MYH10: variants seen among roughly 807,000 people sequenced by gnomAD.
MYH10 encodes myosin-10.
MYH10 carries 55 observed loss-of-function variants against 257.8 expected under a neutral mutation model. That is an observed-to-expected ratio of 0.21 (90% confidence interval 0.17 to 0.27). MYH10 has a LOEUF of 0.27. Ranked by LOEUF, MYH10 falls within the 10% of genes least tolerant of loss-of-function variation. The pLI, the probability that MYH10 is intolerant of heterozygous loss-of-function variation, is 1.00. For missense variants in MYH10, 1,631 were observed against 2,500.6 expected (o/e 0.65, Z 7.42); for synonymous variants, 854 against 921.7 (o/e 0.93, Z 1.33).
chr17:8,508,392 C>T (rs1404120154), intron 26 of MYH10, among the ~76,000 whole-genome samples, 162 bp downstream of exon 26: 2 of 152,262 alleles, frequency 1.3e-5, no homozygotes, highest in Middle Eastern at 3.4e-3. Flanking sequence ...CCTGAGACAC[C>T]GTGCCCAGCC....
intron 28 of MYH10, among the ~76,000 whole-genome samples, chr17:8,502,533 C>A (rs1381233162): frequency 6.7e-6 from 1 of 149,934 alleles, no homozygotes; most frequent in Admixed American, 6.7e-5. Context: ...ATCCAGTGGT[C>A]AAAGGAAACC....
At chr17:8,544,355 T>G (rs1241071724) in intron 13 of MYH10, among the ~76,000 whole-genome samples, 1 of 152,212 alleles carries the variant, frequency 6.6e-6, no homozygotes, top group Admixed American at 6.5e-5. Flanking sequence ...TCTTTTAAAA[T>G]TTATTTTTAG....
intron 13 of MYH10, among the ~76,000 whole-genome samples, chr17:8,544,100 C>T (rs879867395): frequency 3.9e-5 from 6 of 152,026 alleles, no homozygotes; most frequent in South Asian, 2.1e-4. Flanking sequence ...ATAATGGATG[C>T]ATAGTATTCC....
At chr17:8,533,845 C>G (rs983035056) in intron 16 of MYH10, among the ~76,000 whole-genome samples, 2 of 152,154 alleles carry the variant, frequency 1.3e-5, no homozygotes, top group African/African-American at 4.8e-5. Flanking sequence ...AGAGGAGAAG[C>G]TGAACATGGG....
intron 11 of MYH10, among the ~76,000 whole-genome samples, chr17:8,547,222 C>T (rs2082473873): frequency 6.6e-6 from 1 of 152,154 alleles, no homozygotes; most frequent in Admixed American, 6.5e-5. Context: ...CTTACCTTTA[C>T]AAGAGTGACC....
intron 16 of MYH10, among the ~76,000 whole-genome samples, chr17:8,532,845 G>A (rs553862853): frequency 6.6e-6 from 1 of 152,308 alleles, no homozygotes; most frequent in South Asian, 2.1e-4. Context: ...ACTTAGGTAT[G>A]TAGAATTATA....
chr17:8,494,267 G>A (rs1007038672), intron 31 of MYH10, among the ~76,000 whole-genome samples: 1 of 152,182 alleles, frequency 6.6e-6, no homozygotes, highest in African/African-American at 2.4e-5. Context: ...TTCGAACTAG[G>A]ATCACCTCTC....
At position 8,504,876 on chromosome 17, in the gene MYH10, A is replaced by G. The variant is rs1221799340; in HGVS notation, c.3417T>C (p.Asn1139=). 2 of 1,614,146 alleles carry G rather than the reference A, an allele frequency of 1.2e-6. No individual in the cohort carries two copies. Among genetic ancestry groups the G allele is most frequent in the Admixed American group, 1.7e-5 (1 of 60,018 alleles). Residue 1139 remains asparagine, a synonymous_variant, in exon 28 of 43, where the codon AAT becomes AAC. Transcript: ENST00000360416. The surrounding 1 kb of genome is among the most constrained non-coding windows in gnomAD (Gnocchi z 5.6). ...GTAGCTCTCGCACAACTTTAAGGGC[A>G]TTGTTCTTATGGAGTGTTTCATCAT... is the stretch of plus-strand genomic sequence containing the variant. ...RGDDETLHKN[N]ALKVVRELQA...
intron 17 of MYH10, among the ~76,000 whole-genome samples, chr17:8,522,377 T>C (rs2081684351): frequency 6.6e-6 from 1 of 152,240 alleles, no homozygotes; most frequent in African/African-American, 2.4e-5. Context: ...GCTCAAGTTA[T>C]GCAGGTCTTC....
At chr17:8,557,365 G>T (rs959595925) in intron 7 of MYH10, among the ~76,000 whole-genome samples, 1 of 152,064 alleles carries the variant, frequency 6.6e-6, no homozygotes, top group African/African-American at 2.4e-5. Context: ...TGGGGAGTGT[G>T]GGGGAAGAGC....
intron 2 of MYH10, among the ~76,000 whole-genome samples, chr17:8,605,589 C>A (rs1208997283): frequency 5.9e-5 from 9 of 152,118 alleles, no homozygotes; most frequent in South Asian, 4.2e-4. Context: ...ACTAAAAATA[C>A]AAAAATTAGC....
At chr17:8,484,669 T>G (rs1272423229) in intron 36 of MYH10, among the ~76,000 whole-genome samples, 15 of 152,064 alleles carry the variant, frequency 9.9e-5, no homozygotes, top group Admixed American at 9.8e-4. Flanking sequence ...GAATGCAAGG[T>G]TGGTTTGACA....
At chr17:8,609,574 C>T (rs942634118) in intron 2 of MYH10, among the ~76,000 whole-genome samples, 5 of 151,794 alleles carry the variant, frequency 3.3e-5, no homozygotes, top group Admixed American at 6.6e-5. Flanking sequence ...ATAGAGTCTA[C>T]GTATTAGGAC....
intron 12 of MYH10, among the ~76,000 whole-genome samples, chr17:8,546,138 A>G (rs551550275): frequency 6.6e-6 from 1 of 151,864 alleles, no homozygotes; most frequent in East Asian, 1.9e-4. Flanking sequence ...AGCTCACTAC[A>G]ACCTCCGCCT....
intron 7 of MYH10, among the ~76,000 whole-genome samples, chr17:8,555,466 C>A (rs1288649883): frequency 6.6e-6 from 1 of 152,030 alleles, no homozygotes; most frequent in African/African-American, 2.4e-5. Flanking sequence ...AGAAGACAGT[C>A]CAGGAATTGA....
At chr17:8,520,042 TACATAC>T (rs2081601980) in intron 19 of MYH10, among the ~76,000 whole-genome samples, 1 of 151,936 alleles carries the variant, frequency 6.6e-6, no homozygotes, top group Admixed American at 6.6e-5. Flanking sequence ...TTGGAAAAAA[TACATAC>T]ACATACACAC....
intron 21 of MYH10, among the ~76,000 whole-genome samples, chr17:8,517,843 C>T (rs1264210326): frequency 1.3e-5 from 2 of 152,222 alleles, no homozygotes; most frequent in African/African-American, 4.8e-5. Flanking sequence ...TCCAGCCACA[C>T]TGGACTGTGT....
intron 3 of MYH10, 65 bp from the exon 4 acceptor site, chr17:8,589,173 GATATA>G: frequency 6.5e-7 from 1 of 1,547,476 alleles, no homozygotes; most frequent in Non-Finnish European, 8.9e-7. Flanking sequence ...TAAAATATTT[GATATA>G]ATAAAGTTGC....
At chr17:8,555,658 CCTAAATA>C (rs1389217297) in intron 7 of MYH10, among the ~76,000 whole-genome samples, 1 of 152,284 alleles carries the variant, frequency 6.6e-6, no homozygotes, top group East Asian at 1.9e-4. Context: ...AGATCACATA[CCTAAATA>C]CATGGGCTAA....
Sources: allele counts gnomAD v4.1 joint callset (sites outside exome capture counted in the v4.1 genomes callset), GRCh38; gene constraint gnomAD v4.1.1; non-coding constraint Gnocchi (gnomAD v3.1); transcripts MANE v1.5; gene names NCBI Gene and HGNC (gene_info 2026-07-23, HGNC 2026-07-21).